Variants in APLF observed in about 807,000 individuals in gnomAD.
The protein encoded by APLF is aprataxin and PNK-like factor.
A neutral mutation model predicts 55.6 loss-of-function variants in APLF; 61 were observed. The observed-to-expected ratio is 1.10, with a 90% CI of 0.89 to 1.36. The LOEUF (loss-of-function observed/expected upper bound fraction) is 1.36, where lower values mean the gene tolerates loss of function less well. Ranked by LOEUF, APLF falls within the 40% of genes most tolerant of loss-of-function variation. APLF has a pLI of 0.00. For missense variants in APLF, 611 were observed against 602.5 expected, an observed-to-expected ratio of 1.01 and a Z score of -0.15; for synonymous variants, 207 against 214.8, an observed-to-expected ratio of 0.96 and a Z score of 0.32.
intron 8 of APLF, among the ~76,000 whole-genome samples, chr2:68,552,811 AC>A (rs1290283546): frequency 6.6e-6 from 1 of 152,074 alleles, no homozygotes; most frequent in Non-Finnish European, 1.5e-5. Context: ...GCTAATAAAA[AC>A]TTTCATGTCT....
At chr2:68,491,656 T>A (rs1224342682) in intron 2 of APLF, among the ~76,000 whole-genome samples, 2 of 152,068 alleles carry the variant, frequency 1.3e-5, no homozygotes, top group East Asian at 3.9e-4. Flanking sequence ...ATTTAGGGAG[T>A]GCAGTGCAGT....
intron 5 of APLF, among the ~76,000 whole-genome samples, chr2:68,519,871 A>C (rs1182604295): frequency 6.6e-6 from 1 of 151,708 alleles, no homozygotes; most frequent in Non-Finnish European, 1.5e-5. Flanking sequence ...ATCTACTTTT[A>C]GTTGTTTAAG....
intron 1 of APLF, among the ~76,000 whole-genome samples, chr2:68,475,343 A>T (rs966327755): frequency 4.6e-5 from 7 of 152,232 alleles, no homozygotes; most frequent in African/African-American, 1.7e-4. Flanking sequence ...GCACAATTTC[A>T]TCATATTGGC....
chr2:68,548,793 G>A (rs1670779385), intron 8 of APLF, among the ~76,000 whole-genome samples: 1 of 151,864 alleles, frequency 6.6e-6, no homozygotes, highest in Non-Finnish European at 1.5e-5. Context: ...AAACACAAGT[G>A]GAGAGAATGT....
At chr2:68,555,745 CT>C (rs1419179231) in intron 8 of APLF, among the ~76,000 whole-genome samples, 2 of 152,136 alleles carry the variant, frequency 1.3e-5, no homozygotes, top group African/African-American at 2.4e-5. Flanking sequence ...CACTTCTACA[CT>C]GCTGGTGGGA....
At chr2:68,535,850 A>T (rs897529871) in intron 6 of APLF, among the ~76,000 whole-genome samples, 2 of 152,128 alleles carry the variant, frequency 1.3e-5, no homozygotes, top group African/African-American at 4.8e-5. Context: ...AGGTTAAGAG[A>T]AGTGCAGTGT....
intron 8 of APLF, among the ~76,000 whole-genome samples, chr2:68,548,092 A>G (rs1307954857): frequency 6.6e-6 from 1 of 151,886 alleles, no homozygotes; most frequent in Non-Finnish European, 1.5e-5. Flanking sequence ...CATCTGAACA[A>G]ATAACTTCCA....
At chr2:68,573,498 C>T (rs1671539420) in intron 9 of APLF, among the ~76,000 whole-genome samples, 1 of 151,936 alleles carries the variant, frequency 6.6e-6, no homozygotes, top group Non-Finnish European at 1.5e-5. Flanking sequence ...AATGGTGGAA[C>T]CCCATCTCTA....
At chr2:68,489,503 A>C (rs1046548792) in intron 1 of APLF, among the ~76,000 whole-genome samples, 1 of 152,240 alleles carries the variant, frequency 6.6e-6, no homozygotes, top group Non-Finnish European at 1.5e-5. Flanking sequence ...ACATGCAAAC[A>C]ATTTTTGAAC....
At chr2:68,561,565 A>G (rs1013343897) in intron 8 of APLF, among the ~76,000 whole-genome samples, 1 of 152,094 alleles carries the variant, frequency 6.6e-6, no homozygotes, top group Non-Finnish European at 1.5e-5. Context: ...TCTGATTGCA[A>G]TAGAGTCTGA....
intron 1 of APLF, among the ~76,000 whole-genome samples, chr2:68,488,976 A>T (rs112908692): frequency 0.026 from 3,911 of 150,284 alleles, 66 homozygotes; most frequent in South Asian, 0.044. Flanking sequence ...GTATAATAAT[A>T]AAAAAAAAGG....
chr2:68,526,265 T>G (rs1338129034), intron 6 of APLF, 23 bp downstream of exon 6: 1 of 1,590,782 alleles, frequency 6.3e-7, no homozygotes, highest in African/African-American at 1.4e-5. Flanking sequence ...AATTCATTAT[T>G]TGATTGTTTT....
At chr2:68,512,949 C>A in intron 3 of APLF, 131 bp from the exon 4 acceptor site, 1 of 662,680 alleles carries the variant, frequency 1.5e-6, no homozygotes, top group South Asian at 2.2e-5. Context: ...TCTATATATT[C>A]TAGTATACTA....
chr2:68,559,341 C>T (rs1360130820), intron 8 of APLF, among the ~76,000 whole-genome samples: 1 of 152,070 alleles, frequency 6.6e-6, no homozygotes, highest in Non-Finnish European at 1.5e-5. Flanking sequence ...TATTGCAGAG[C>T]CACGGGGCTC....
rs386390398 is a variant in APLF at position 68,525,742 on chromosome 2, C to CTTT, written c.623-296_623-294dup. On this transcript the variant is annotated intron_variant, in intron 5 of 9. Transcript: ENST00000303795. ...TTTATCCTTTTTATTTTCTTTCTTT[C>CTTT]TTTTTTTTTTTTTTTTTTTTTTTTT... Among the ~76,000 whole-genome samples, 326 of 81,928 alleles carry CTTT rather than the reference C, an allele frequency of 4.0e-3. 18 individuals are homozygous for CTTT. The highest frequency in any genetic ancestry group is 0.012 in the African/African-American group (186 of 16,170). 53.7% of individuals were successfully genotyped at this position (81,928 alleles called of 152,430 possible).
chr2:68,543,969 C>G (rs936965656), intron 7 of APLF, among the ~76,000 whole-genome samples: 7 of 148,924 alleles, frequency 4.7e-5, no homozygotes, highest in Non-Finnish European at 4.4e-5. Flanking sequence ...TCTGTTAAGT[C>G]AATTGTATTT....
intron 1 of APLF, among the ~76,000 whole-genome samples, chr2:68,474,947 C>T (rs768650722): frequency 2.6e-5 from 4 of 152,174 alleles, no homozygotes; most frequent in South Asian, 2.1e-4. Context: ...AGATTACAGG[C>T]GTGAGCCTCC....
chr2:68,493,836 C>A (rs574281716), intron 2 of APLF, among the ~76,000 whole-genome samples: 2 of 151,442 alleles, frequency 1.3e-5, no homozygotes, highest in African/African-American at 4.9e-5. Flanking sequence ...TGGCCAGGCG[C>A]GGTGGCTCAC....
intron 5 of APLF, among the ~76,000 whole-genome samples, chr2:68,514,247 G>A (rs982555340): frequency 2.6e-5 from 4 of 151,760 alleles, no homozygotes; most frequent in African/African-American, 9.6e-5. Context: ...TAATAGCTGC[G>A]TTAAAGTCTG....
Sources: gnomAD v4.1 joint callset for allele counts (sites outside exome capture counted in the v4.1 genomes callset) on GRCh38, gnomAD v4.1.1 for gene constraint, MANE v1.5 for transcripts, NCBI Gene and HGNC (gene_info 2026-07-23, HGNC 2026-07-21) for gene names.